SLU7: variants seen among roughly 807,000 people sequenced by gnomAD.
The protein encoded by SLU7 is spliceosome associated SLU7, also known as pre-mRNA-splicing factor SLU7.
SLU7 carries 60 observed loss-of-function variants against 87.0 expected under a neutral mutation model. The ratio of observed to expected loss-of-function variants is 0.69; its 90% CI spans 0.56 to 0.86. The LOEUF (loss-of-function observed/expected upper bound fraction) is 0.86. SLU7 is among the 40% of genes least tolerant of loss of function. SLU7 has a pLI of 0.00. For missense variants in SLU7, 507 were observed against 686.6 expected, an observed-to-expected ratio of 0.74 and a Z score of 2.92; for synonymous variants, 197 against 222.0, an observed-to-expected ratio of 0.89 and a Z score of 1.00.
In SLU7 at chr5:160,412,530, AAAAAAAAG is replaced by A. The variant is rs775967602; in HGVS notation, c.571-19_571-12del. On this transcript the variant is annotated splice_polypyrimidine_tract_variant and intron_variant, in intron 5 of 15. Coordinates refer to ENST00000297151, the MANE Select transcript of SLU7 (RefSeq NM_006425.5). ...CAATGTTCGTTTTGCCTTTAAAAAA[AAAAAAAAG>A]AAAGAAAGAAAGAAAAAGTAAACAT... 3.4e-5 allele frequency: 46 copies of A among 1,366,914 alleles called. No individual in the cohort carries two copies. Among genetic ancestry groups the A allele is most frequent in the South Asian group, 3.1e-4 (22 of 70,284 alleles). 84.7% of individuals were successfully genotyped at this position (1,366,914 alleles called of 1,614,324 possible).
At chr5:160,416,568 A>G (rs111521742) in intron 1 of SLU7, among the ~76,000 whole-genome samples, 4 of 152,270 alleles carry the variant, frequency 2.6e-5, no homozygotes, top group African/African-American at 9.6e-5. Context: ...CCCTATCTTA[A>G]TGAAAGACAA....
At position 160,414,360 on chromosome 5, in the gene SLU7, A is replaced by T; in HGVS notation, c.283T>A (p.Phe95Ile). Residue 95 changes from phenylalanine (F) to isoleucine (I), a missense_variant, in exon 3 of 16, where the codon TTC becomes ATC. This residue lies in a region of SLU7 where 26 missense variants were observed against 78.9 expected (regional missense o/e 0.33). Transcript: ENST00000297151. ...TTGTACCATTCTCCAGATGAGCTGA[A>T]CTGCTTTTGTTTTTCTGGTTGTGGT... is the stretch of plus-strand genomic sequence containing the variant. ...QRPQPEKQKQ[F>I]SSSGEWYKRG... 4 of 1,612,072 alleles carry T rather than the reference A, an allele frequency of 2.5e-6. No individual in the cohort carries two copies. The highest frequency in any genetic ancestry group is 3.4e-6 in the Non-Finnish European group (4 of 1,178,944).
intron 5 of SLU7, among the ~76,000 whole-genome samples, chr5:160,413,239 T>C (rs1022573328): frequency 6.6e-6 from 1 of 152,088 alleles, no homozygotes; most frequent in Non-Finnish European, 1.5e-5. Context: ...AGGACCAATA[T>C]AAGAATCAAA....
chr5:160,408,572 A>T, intron 7 of SLU7, 78 bp downstream of exon 7: 1 of 1,402,830 alleles, frequency 7.1e-7, no homozygotes, highest in Non-Finnish European at 9.9e-7. Flanking sequence ...TTTAAAAGCT[A>T]TTATTAGTGT....
intron 6 of SLU7, among the ~76,000 whole-genome samples, chr5:160,409,046 T>G (rs1395798351): frequency 4.6e-5 from 7 of 151,754 alleles, no homozygotes; most frequent in Non-Finnish European, 4.4e-5. Flanking sequence ...GAATTTTAAT[T>G]AAGATTATAA....
At chr5:160,416,250 T>C (rs182838000) in intron 1 of SLU7, among the ~76,000 whole-genome samples, 28 of 152,292 alleles carry the variant, frequency 1.8e-4, no homozygotes, top group Middle Eastern at 3.4e-3. Context: ...TATTTAATGT[T>C]GGATTCCTCA....
rs755784751 is a variant in SLU7 at position 160,415,250 on chromosome 5, C to T, written c.45G>A (p.Ser15=). ...CTTCCAAACTCATTTCTTTGGACCC[C>T]GATAGGGGTGCAGCATTAACTGCAT... ...VVDAVNAAPL[S]GSKEMSLEEP... The change falls in exon 2 of 16, where the codon TCG becomes TCA. Residue 15 remains serine, a synonymous_variant. Transcript: ENST00000297151. The T allele has an allele frequency of 6.2e-6, 10 of 1,610,576 alleles. No homozygotes were observed. The African/African-American group carries it at 8.0e-5, about 13-fold the overall frequency.
At chr5:160,416,111 C>T (rs921358025) in intron 1 of SLU7, among the ~76,000 whole-genome samples, 5 of 151,980 alleles carry the variant, frequency 3.3e-5, no homozygotes, top group Non-Finnish European at 1.5e-5. Flanking sequence ...CCAGGCTGCT[C>T]TCAAACTCCT....
chr5:160,408,255 A>T, intron 8 of SLU7, 74 bp downstream of exon 8: 1 of 1,482,464 alleles, frequency 6.7e-7, no homozygotes, highest in Non-Finnish European at 9.2e-7. Flanking sequence ...TCCATATGCT[A>T]CCCAGAGTCG....
intron 1 of SLU7, among the ~76,000 whole-genome samples, chr5:160,416,907 G>T (rs1373518807): frequency 1.3e-5 from 2 of 152,204 alleles, no homozygotes; most frequent in African/African-American, 4.8e-5. Context: ...GAGACCGGGT[G>T]AGAGATCACT....
intron 14 of SLU7, 112 bp downstream of exon 14, chr5:160,404,697 C>A (rs1581059913): frequency 5.5e-6 from 5 of 912,596 alleles, no homozygotes; most frequent in African/African-American, 1.7e-5. Flanking sequence ...TGCGCTCGAG[C>A]CTGGGCGACA....
At position 160,403,463 on chromosome 5, in the gene SLU7, G is replaced by T. The variant is rs753204791; in HGVS notation, c.1583C>A (p.Ala528Glu). The change falls in exon 16 of 16, where the codon GCA (alanine) becomes GAA (glutamate). Residue 528 changes from alanine to glutamate, a missense_variant and splice_region_variant. By Grantham distance (107) the Ala-to-Glu change is moderately radical. Transcript: ENST00000297151. ...AAGGCGGGCCTCCTCTGCGTTCAGT[G>T]CCTATAGTGAGAGGAATAAAATGTG... ...EEKKHEKLKKALNAEEARLLH... is the reference protein window; with the variant it reads ...EEKKHEKLKKELNAEEARLLH... 2 of 1,592,368 alleles carry T rather than the reference G, an allele frequency of 1.3e-6. No individual in the cohort carries two copies. Among genetic ancestry groups the T allele is most frequent in the Non-Finnish European group, 1.7e-6 (2 of 1,171,558 alleles).
intron 6 of SLU7, among the ~76,000 whole-genome samples, chr5:160,410,916 G>C (rs1052788161): frequency 6.6e-6 from 1 of 151,638 alleles, no homozygotes; most frequent in South Asian, 2.1e-4. Context: ...GCCCAGGCTG[G>C]AGTGCAGCGG....
chr5:160,408,945 C>T (rs1436746868), intron 6 of SLU7, among the ~76,000 whole-genome samples: 2 of 149,930 alleles, frequency 1.3e-5, no homozygotes, highest in Non-Finnish European at 3.0e-5. Context: ...TCTCACACTT[C>T]TCAGTTATAA....
In SLU7 at chr5:160,405,108, C is replaced by T. The variant is rs1327792521; in HGVS notation, c.1315G>A (p.Gly439Ser). 3 of 1,613,540 alleles carry T rather than the reference C, an allele frequency of 1.9e-6. No homozygotes were observed. The highest frequency in any genetic ancestry group is 1.7e-6 in the Non-Finnish European group (2 of 1,179,666). The change falls in exon 13 of 16, where the codon GGC becomes AGC. Residue 439 changes from glycine to serine, a missense_variant. Transcript: ENST00000297151. ...THIWGSYWKEGRWGYKCCHSF... is the reference protein window; with the variant it reads ...THIWGSYWKESRWGYKCCHSF... The stretch of plus-strand genomic sequence containing the variant: ...TGACAGCATTTGTATCCCCATCGGC[C>T]TTCTTTCCAGTACGATCCCCAGATA...
At position 160,413,979 on chromosome 5, in the gene SLU7, T is replaced by C; in HGVS notation, c.325A>G (p.Asn109Asp). The change falls in exon 4 of 16, where the codon AAT becomes GAT. Residue 109 changes from asparagine (N) to aspartate (D), a missense_variant and splice_region_variant. Coordinates refer to ENST00000297151, the MANE Select transcript of SLU7 (RefSeq NM_006425.5). ...TTGCGGTACTTAGTAATTATGGAATTCTATAAATATATATAAAGAAAAACA... is the reference window on the plus strand; with the variant it reads ...TTGCGGTACTTAGTAATTATGGAATCCTATAAATATATATAAAGAAAAACA... ...GEWYKRGVKE[N>D]SIITKYRKGA... 6.5e-7 allele frequency: 1 copy of C among 1,540,028 alleles called. No individual in the cohort carries two copies. The highest frequency in any genetic ancestry group is 8.8e-7 in the Non-Finnish European group (1 of 1,136,960).
chr5:160,404,671 G>A (rs1581059855), intron 14 of SLU7, 115 bp from the exon 15 acceptor site: 1 of 872,264 alleles, frequency 1.1e-6, no homozygotes, highest in East Asian at 2.6e-5. Context: ...AGTTGCAGTG[G>A]GCCCAGACCG....
rs1765065411 is a variant in SLU7, at chr5:160,407,704, A to G, written c.985+42T>C. Reference sequence around the variant, plus strand: ...AGCTTTAAACAATCCCAAACGTCTTATGAGCTGATATAAAATGGCTTGACA... The same window carrying G: ...AGCTTTAAACAATCCCAAACGTCTTGTGAGCTGATATAAAATGGCTTGACA... On this transcript the variant is annotated intron_variant, in intron 10 of 15. Transcript: ENST00000297151. This position sits in a 1 kb window ranked among gnomAD's most constrained non-coding sequence, Gnocchi z 4.2. The G allele has an allele frequency of 6.2e-7, 1 of 1,603,490 alleles. No individual in the cohort carries two copies. The highest frequency in any genetic ancestry group is 1.3e-5 in the African/African-American group (1 of 74,392).
chr5:160,409,530 A>G (rs1765148611), intron 6 of SLU7, among the ~76,000 whole-genome samples: 1 of 152,222 alleles, frequency 6.6e-6, no homozygotes, highest in African/African-American at 2.4e-5. Context: ...TGGCTAAGTG[A>G]TATGTCATAA....
Sources: gnomAD v4.1 joint callset for allele counts (sites outside exome capture counted in the v4.1 genomes callset) on GRCh38, gnomAD v4.1.1 for gene constraint, gnomAD v4.1.1 regional missense constraint, Gnocchi (gnomAD v3.1) non-coding constraint, MANE v1.5 for transcripts, NCBI Gene and HGNC (gene_info 2026-07-23, HGNC 2026-07-21) for gene names.